ARHGEF17: variants seen among roughly 807,000 people sequenced by gnomAD.
ARHGEF17 encodes 164 kDa Rho-specific guanine-nucleotide exchange factor.
ARHGEF17 carries 80 observed loss-of-function variants against 174.0 expected under a neutral mutation model. The observed-to-expected ratio is 0.46, with a 90% CI of 0.38 to 0.55. The LOEUF (loss-of-function observed/expected upper bound fraction) is 0.55, where lower values mean the gene tolerates loss of function less well. ARHGEF17 is among the 20% of genes least tolerant of loss of function. The probability of loss-of-function intolerance (pLI) is 0.00; values close to 1 mark genes in which losing one functional copy is unlikely to be tolerated. For synonymous variants in ARHGEF17, 1,311 were observed against 1,189.1 expected, an observed-to-expected ratio of 1.10 and a Z score of -2.11; for missense variants, 2,886 against 2,839.7, an observed-to-expected ratio of 1.02 and a Z score of -0.37.
chr11:73,366,343 A>C (rs1004919959), intron 20 of ARHGEF17, among the ~76,000 whole-genome samples: 5 of 152,262 alleles, frequency 3.3e-5, no homozygotes, highest in African/African-American at 1.2e-4. Context: ...AAGTGGAATC[A>C]GGAAGTGATG....
At chr11:73,355,044 G>A (rs903575503) in intron 3 of ARHGEF17, among the ~76,000 whole-genome samples, 6 of 152,246 alleles carry the variant, frequency 3.9e-5, no homozygotes, top group Non-Finnish European at 7.3e-5. Flanking sequence ...GAGTACTTCC[G>A]AGAGGAGGCA....
intron 1 of ARHGEF17, chr11:73,343,033 G>A (rs990944327): frequency 2.2e-5 from 6 of 275,618 alleles, no homozygotes; most frequent in Non-Finnish European, 4.1e-5. Context: ...CCGCGGCCGG[G>A]CTGAGCCCTT....
At chr11:73,326,517 C>T (rs183618772) in intron 1 of ARHGEF17, among the ~76,000 whole-genome samples, 1 of 152,138 alleles carries the variant, frequency 6.6e-6, no homozygotes, top group Non-Finnish European at 1.5e-5. Flanking sequence ...GTCAGGAGTT[C>T]AAGACCAGCC....
intron 9 of ARHGEF17, 62 bp from the exon 10 acceptor site, chr11:73,359,772 T>G: frequency 2.2e-6 from 3 of 1,360,308 alleles, no homozygotes; most frequent in South Asian, 3.2e-5. Context: ...GGAAGGAGAG[T>G]CTGTCCCAGC....
chr11:73,309,054 G>A lies in ARHGEF17; in HGVS notation c.416G>A (p.Arg139Lys). ...MRKLFGGPGS[R>K]RPSADSESPG... ...AAGCTCTTCGGCGGTCCTGGCTCCA[G>A]GAGGCCCAGCGCCGACTCTGAATCC... The change falls in exon 1 of 21, where the codon AGG (arginine) becomes AAG (lysine). Residue 139 changes from arginine (R) to lysine (K), a missense_variant. This residue lies in a region of ARHGEF17 where 1,728 missense variants were observed against 1,461.2 expected (regional missense o/e 1.18). Transcript: ENST00000263674. 1.3e-6 allele frequency: 2 copies of A among 1,487,886 alleles called. No individual in the cohort carries two copies. The highest frequency in any genetic ancestry group is 1.8e-6 in the Non-Finnish European group (2 of 1,123,686). 92.2% of individuals were successfully genotyped at this position (1,487,886 alleles called of 1,614,324 possible). A position where few individuals can be genotyped will look rare whatever the true frequency, so the allele number is the denominator to read the frequency against.
intron 1 of ARHGEF17, among the ~76,000 whole-genome samples, chr11:73,339,288 A>G (rs1013061084): frequency 6.6e-6 from 1 of 152,208 alleles, no homozygotes; most frequent in Non-Finnish European, 1.5e-5. Context: ...TATTGAACTA[A>G]TCAACTAATG....
rs751131302 is a variant in ARHGEF17 at position 73,310,580 on chromosome 11, A to G, written c.1942A>G (p.Ile648Val). The G allele has an allele frequency of 1.9e-6, 3 of 1,613,982 alleles. No homozygotes were observed. The highest frequency in any genetic ancestry group is 1.1e-5 in the South Asian group (1 of 91,088). ...TGAGTCCAGTCTGACAGATGAAGGC[A>G]TTGGGGCAGACCCTGAGCCTCCTGT... ...GPESSLTDEG[I>V]GADPEPPVAA... is the part of the protein sequence containing the mutation. The change falls in exon 1 of 21, where the codon ATT becomes GTT. Residue 648 changes from isoleucine to valine, a missense_variant. Transcript: ENST00000263674.
chr11:73,334,614 C>G (rs1355776690), intron 1 of ARHGEF17, among the ~76,000 whole-genome samples: 1 of 152,184 alleles, frequency 6.6e-6, no homozygotes, highest in Non-Finnish European at 1.5e-5. Flanking sequence ...GGCTCTGGCC[C>G]CCTCCTTCCT....
In ARHGEF17 at chr11:73,363,248, C is replaced by T. The variant is rs200872476; in HGVS notation, c.5039C>T (p.Thr1680Ile). ...TCCAAGGAGGCCACGGCAGAGACCA[C>T]CAGCTCAGAGGAGGAGCAGGAGCCA... ...PSSKEATAETTSSEEEQEPGF... is the reference protein window; with the variant it reads ...PSSKEATAETISSEEEQEPGF... The change falls in exon 15 of 21, where the codon ACC becomes ATC. Residue 1680 changes from threonine to isoleucine, a missense_variant. Coordinates refer to ENST00000263674, the MANE Select transcript of ARHGEF17 (RefSeq NM_014786.4). The T allele has an allele frequency of 9.6e-5, 154 of 1,601,594 alleles. 2 individuals carry two copies. In the Middle Eastern group the frequency reaches 1.2e-3, roughly 12 times the overall value.
In ARHGEF17 at chr11:73,363,593, G is replaced by A. The variant is rs1237985143; in HGVS notation, c.5246+138G>A. The stretch of plus-strand genomic sequence containing the variant: ...GGTACTGCTGACCAGGGATGTCAGT[G>A]GGTCTGACAATCCCAGGGAGGCTGT... On this transcript the variant is annotated intron_variant, in intron 15 of 20. Coordinates refer to ENST00000263674, the MANE Select transcript of ARHGEF17 (RefSeq NM_014786.4). 2.0e-5 allele frequency: 29 copies of A among 1,483,724 alleles called. No homozygotes were observed. In the South Asian group the frequency reaches 2.3e-4, roughly 12 times the overall value. The allele number at this position is 1,483,724 out of a possible 1,614,324, so 91.9% of individuals were successfully genotyped here.
chr11:73,315,843 G>A lies in ARHGEF17; in HGVS notation c.3192+4013G>A, dbSNP rs550721721. 2.0e-5 allele frequency among the ~76,000 whole-genome samples: 3 copies of A among 152,284 alleles called. No individual in the cohort carries two copies. The South Asian group carries it at 6.2e-4, about 32-fold the overall frequency. ...GACATTTTCCAGCCCCACGTTTCTG[G>A]GACCAGCTGGGTTTGGGAGGCGGAG... On this transcript the variant is annotated intron_variant, in intron 1 of 20. Coordinates refer to ENST00000263674, the MANE Select transcript of ARHGEF17 (RefSeq NM_014786.4).
rs1041295278 is a variant in ARHGEF17 at position 73,331,362 on chromosome 11, A to C, written c.3193-15521A>C. On this transcript the variant is annotated intron_variant, in intron 1 of 20. Coordinates refer to ENST00000263674, the MANE Select transcript of ARHGEF17 (RefSeq NM_014786.4). ...TGGGGAAACTGAGGCCATGGAGGGGACCCTGGACCCCTGCCCTGCATTGCT... is the reference window on the plus strand; with the variant it reads ...TGGGGAAACTGAGGCCATGGAGGGGCCCCTGGACCCCTGCCCTGCATTGCT... 2.6e-5 allele frequency among the ~76,000 whole-genome samples: 4 copies of C among 151,882 alleles called. No individual in the cohort carries two copies. In the East Asian group the frequency reaches 7.7e-4, roughly 29 times the overall value.
chr11:73,367,089 C>T (rs191162652), intron 20 of ARHGEF17, among the ~76,000 whole-genome samples: 1 of 152,140 alleles, frequency 6.6e-6, no homozygotes, highest in African/African-American at 2.4e-5. Flanking sequence ...CAGGAGGCCA[C>T]AACCAGAAAA....
chr11:73,313,996 G>T (rs2135786608), intron 1 of ARHGEF17, among the ~76,000 whole-genome samples: 1 of 152,328 alleles, frequency 6.6e-6, no homozygotes, highest in South Asian at 2.1e-4. Context: ...GGGGGCCTCA[G>T]TATAACCTGG....
chr11:73,336,650 C>T (rs770859180), intron 1 of ARHGEF17, among the ~76,000 whole-genome samples: 5 of 152,238 alleles, frequency 3.3e-5, no homozygotes, highest in African/African-American at 1.2e-4. Flanking sequence ...CTTCATTTCT[C>T]CTGTCAGCAT....
At chr11:73,319,706 T>C (rs1420072187) in intron 1 of ARHGEF17, among the ~76,000 whole-genome samples, 1 of 152,196 alleles carries the variant, frequency 6.6e-6, no homozygotes, top group Non-Finnish European at 1.5e-5. Context: ...TAGCAGTCAA[T>C]CATTGAGCTC....
chr11:73,342,622 G>A (rs988315854), intron 1 of ARHGEF17, among the ~76,000 whole-genome samples: 9 of 152,116 alleles, frequency 5.9e-5, no homozygotes, highest in African/African-American at 2.2e-4. Flanking sequence ...ATTCCGTGTA[G>A]GTGTGTTCGT....
chr11:73,353,051 G>A, intron 3 of ARHGEF17, 39 bp downstream of exon 3: 1 of 1,609,052 alleles, frequency 6.2e-7, no homozygotes, highest in Non-Finnish European at 8.5e-7. Context: ...ACAAGCACAG[G>A]CCCTCCTGGA....
chr11:73,359,806 A>G, intron 9 of ARHGEF17, 28 bp from the exon 10 acceptor site: 24 of 1,530,368 alleles, frequency 1.6e-5, no homozygotes, highest in Non-Finnish European at 2.1e-5. Flanking sequence ...TCTCTGTATC[A>G]GTCCACGGCC....
Sources: gnomAD v4.1 joint callset for allele counts (sites outside exome capture counted in the v4.1 genomes callset) on GRCh38, gnomAD v4.1.1 for gene constraint, gnomAD v4.1.1 regional missense constraint, MANE v1.5 for transcripts, NCBI Gene and HGNC (gene_info 2026-07-23, HGNC 2026-07-21) for gene names.